The following TBCD variants were observed in gnomAD, a reference collection of about 807,000 sequenced individuals.
TBCD encodes tubulin folding cofactor D.
In TBCD, 105 loss-of-function variants were observed where a neutral mutation model predicts 169.3. The ratio of observed to expected loss-of-function variants is 0.62; its 90% CI spans 0.53 to 0.73. TBCD has a LOEUF of 0.73. Among genes scored for constraint, TBCD ranks in the 30% least tolerant of loss-of-function variants. The pLI, the probability that TBCD is intolerant of heterozygous loss-of-function variation, is 0.00. For synonymous variants in TBCD, 700 were observed against 643.9 expected (o/e 1.09, Z -1.32); for missense variants, 1,444 against 1,600.1 (o/e 0.90, Z 1.66).
intron 13 of TBCD, chr17:82,839,791 C>T (rs1161896684): frequency 6.6e-6 from 1 of 152,236 alleles, no homozygotes; most frequent in Non-Finnish European, 1.5e-5. Flanking sequence ...CCTGCTGGGT[C>T]CTGAGTAATC....
intron 13 of TBCD, among the ~76,000 whole-genome samples, chr17:82,824,042 T>G: frequency 6.7e-6 from 1 of 149,408 alleles, no homozygotes; most frequent in South Asian, 2.3e-4. Flanking sequence ...TGGCCTTTCA[T>G]GTCTGGCTTA....
rs1159015163 is a variant in TBCD at position 82,930,981 on chromosome 17, G to A, written c.3113+338G>A. Among the ~76,000 whole-genome samples, 5 of 152,238 alleles carry A rather than the reference G, an allele frequency of 3.3e-5. No individual in the cohort carries two copies. Among genetic ancestry groups the A allele is most frequent in the African/African-American group, 9.6e-5 (4 of 41,476 alleles). On this transcript the variant is annotated intron_variant, in intron 33 of 38. Transcript: ENST00000355528. The surrounding 1 kb of genome is among the most constrained non-coding windows in gnomAD (Gnocchi z 5.2). ...AGCTCCTCCAGCTTGGTGCTCCCAC[G>A]GACGTGCTTGCGGACGCTCATCAGC...
Position 82,938,158 on chromosome 17 carries a change from C to G in TBCD, c.3369+22C>G, listed in dbSNP as rs368986727. The G allele has an allele frequency of 1.9e-6, 3 of 1,605,952 alleles. No individual in the cohort carries two copies. The Admixed American group carries it at 5.0e-5, about 27-fold the overall frequency. On this transcript the variant is annotated intron_variant, in intron 36 of 38. Coordinates refer to ENST00000355528, the MANE Select transcript of TBCD (RefSeq NM_005993.5). ...GCTGGTGAGTGCCTGCCCCTGCTCA[C>G]GTGTGTTTGCCGTGTGGACACAAGC...
intron 17 of TBCD, among the ~76,000 whole-genome samples, chr17:82,895,331 G>T (rs1400150271): frequency 6.6e-6 from 1 of 152,188 alleles, no homozygotes; most frequent in East Asian, 1.9e-4. Flanking sequence ...CCCGAGGCAG[G>T]GTCCTGCTGT....
chr17:82,758,000 G>C (rs569326004), intron 2 of TBCD, among the ~76,000 whole-genome samples: 1 of 152,154 alleles, frequency 6.6e-6, no homozygotes, highest in Admixed American at 6.6e-5. Context: ...ATTCTTGCCA[G>C]ACCTCTTTCC....
chr17:82,811,362 G>A (rs1427623405), intron 12 of TBCD, among the ~76,000 whole-genome samples: 1 of 152,264 alleles, frequency 6.6e-6, no homozygotes, highest in Non-Finnish European at 1.5e-5. Flanking sequence ...TGGACTGTGT[G>A]TTCCTTACTC....
chr17:82,870,862 A>G (rs1021047022), intron 14 of TBCD, among the ~76,000 whole-genome samples: 1 of 152,270 alleles, frequency 6.6e-6, no homozygotes, highest in Non-Finnish European at 1.5e-5. Context: ...GGCATGTTGG[A>G]CATGGCAGTC....
chr17:82,821,235 C>T (rs1482393650), intron 13 of TBCD, among the ~76,000 whole-genome samples: 1 of 152,214 alleles, frequency 6.6e-6, no homozygotes, highest in Non-Finnish European at 1.5e-5. Context: ...CTGTGCCCAG[C>T]CTGTTTTTAT....
At chr17:82,863,214 G>C (rs982327942) in intron 13 of TBCD, among the ~76,000 whole-genome samples, 1 of 152,190 alleles carries the variant, frequency 6.6e-6, no homozygotes, top group Non-Finnish European at 1.5e-5. Context: ...CCTCAGATCA[G>C]CTGCTTCACC....
At position 82,768,574 on chromosome 17, in the gene TBCD, T is replaced by C; in HGVS notation, c.582+8T>C. The C allele has an allele frequency of 1.9e-6, 3 of 1,613,348 alleles. No individual in the cohort carries two copies. Among genetic ancestry groups the C allele is most frequent in the Non-Finnish European group, 2.5e-6 (3 of 1,179,410 alleles). On this transcript the variant is annotated splice_region_variant and intron_variant, in intron 5 of 38. Coordinates refer to ENST00000355528, the MANE Select transcript of TBCD (RefSeq NM_005993.5). ...ATTCTCCAAATAGCAGAGGTAAATA[T>C]CATGCAGATAATTAGCTGCTAATTA...
intron 16 of TBCD, among the ~76,000 whole-genome samples, chr17:82,891,771 C>T (rs2146413724): frequency 6.6e-6 from 1 of 151,572 alleles, no homozygotes; most frequent in South Asian, 2.1e-4. Context: ...ACAGAGGGGG[C>T]TGGGGGCAGA....
rs767871081 is a variant in TBCD, at chr17:82,891,234, C to T, written c.1563+1537C>T. 2.6e-5 allele frequency among the ~76,000 whole-genome samples: 4 copies of T among 152,324 alleles called. No individual in the cohort carries two copies. In the South Asian group the frequency reaches 6.2e-4, roughly 24 times the overall value. On this transcript the variant is annotated intron_variant, in intron 16 of 38. Transcript: ENST00000355528. ...TGGATTTGAGCCACGTTACCTTTAT[C>T]GGGGCAGCTCAGGTTGGGGATTGAT... is the stretch of plus-strand genomic sequence containing the variant.
At chr17:82,810,864 G>A (rs113721227) in intron 12 of TBCD, among the ~76,000 whole-genome samples, 3,358 of 152,290 alleles carry the variant, frequency 0.022, 145 homozygotes, top group African/African-American at 0.077. Flanking sequence ...CGTTCACAAA[G>A]CCTTGTTTTC....
intron 32 of TBCD, chr17:82,929,718 G>A (rs768017407): frequency 7.8e-5 from 53 of 680,698 alleles, no homozygotes; most frequent in Non-Finnish European, 1.2e-4. Context: ...GGTGGGACAG[G>A]GCCAGCGCCA....
At chr17:82,932,629 C>T (rs747568704) in intron 33 of TBCD, 29 bp from the exon 34 acceptor site, 4 of 1,604,924 alleles carry the variant, frequency 2.5e-6, no homozygotes, top group Non-Finnish European at 3.4e-6. Context: ...TGCTGGTGTC[C>T]AGGGTCTCAC....
chr17:82,858,112 C>T (rs1204978520), intron 13 of TBCD, among the ~76,000 whole-genome samples: 1 of 152,000 alleles, frequency 6.6e-6, no homozygotes, highest in Admixed American at 6.6e-5. Context: ...TGGGATCTCC[C>T]TATGTTGTCC....
intron 18 of TBCD, among the ~76,000 whole-genome samples, chr17:82,902,365 C>A (rs1225814791): frequency 6.6e-6 from 1 of 152,214 alleles, no homozygotes; most frequent in African/African-American, 2.4e-5. Flanking sequence ...TAGCTGAGGG[C>A]CGTCCTTACG....
intron 13 of TBCD, among the ~76,000 whole-genome samples, chr17:82,827,266 A>G (rs1333354080): frequency 6.6e-6 from 1 of 152,228 alleles, no homozygotes; most frequent in Non-Finnish European, 1.5e-5. Context: ...ATGCGTTGAC[A>G]GCCACCTGCA....
intron 14 of TBCD, among the ~76,000 whole-genome samples, chr17:82,873,500 T>C (rs1469761613): frequency 2.0e-5 from 3 of 152,086 alleles, no homozygotes; most frequent in Non-Finnish European, 4.4e-5. Flanking sequence ...TTTGGAGAAA[T>C]GCAGGTGCAA....
Sources: allele counts gnomAD v4.1 joint callset (sites outside exome capture counted in the v4.1 genomes callset), GRCh38; gene constraint gnomAD v4.1.1; non-coding constraint Gnocchi (gnomAD v3.1); transcripts MANE v1.5; gene names NCBI Gene and HGNC (gene_info 2026-07-23, HGNC 2026-07-21).